The following STAT4 variants were observed in gnomAD, a reference collection of about 807,000 sequenced individuals.
STAT4 encodes signal transducer and activator of transcription 4.
STAT4 carries 42 observed loss-of-function variants against 110.5 expected under a neutral mutation model. That is an observed-to-expected ratio of 0.38 (90% CI 0.30 to 0.49). STAT4 has a LOEUF of 0.49. STAT4 is among the 20% of genes least tolerant of loss of function. STAT4 has a pLI of 0.95. For missense variants in STAT4, 632 were observed against 887.9 expected (o/e 0.71, Z 3.66); for synonymous variants, 284 against 302.2 (o/e 0.94, Z 0.63).
chr2:191,141,508 C>T (rs1307105806), intron 3 of STAT4, among the ~76,000 whole-genome samples: 6 of 140,756 alleles, frequency 4.3e-5, no homozygotes, highest in East Asian at 2.0e-4. Flanking sequence ...CACATATATA[C>T]ATACACATAT....
intron 8 of STAT4, 102 bp downstream of exon 8, chr2:191,064,705 T>G (rs1425771267): frequency 3.6e-6 from 5 of 1,384,002 alleles, no homozygotes; most frequent in Non-Finnish European, 4.9e-6. Context: ...ATAAACTGAA[T>G]GAACTGATGT....
chr2:191,095,080 A>C lies in STAT4; in HGVS notation c.274-18755T>G, dbSNP rs1053493245. 7.9e-5 allele frequency among the ~76,000 whole-genome samples: 12 copies of C among 152,192 alleles called. No homozygotes were observed. The South Asian group carries it at 1.9e-3, about 24-fold the overall frequency. ...TATCCTAAACATATATGCACCCAAT[A>C]TAGGAGCACCCAGATTCATAAAGCA... On this transcript the variant is annotated intron_variant, in intron 3 of 23. Transcript: ENST00000392320.
intron 3 of STAT4, among the ~76,000 whole-genome samples, chr2:191,133,959 G>C (rs1699111479): frequency 6.6e-6 from 1 of 152,208 alleles, no homozygotes; most frequent in Admixed American, 6.5e-5. Context: ...AGACACAAAG[G>C]AACCTTAAAA....
intron 17 of STAT4, 113 bp from the exon 18 acceptor site, chr2:191,034,710 A>T: frequency 1.3e-6 from 1 of 768,898 alleles, no homozygotes. Flanking sequence ...AGCACTTGAT[A>T]TGGGTTTGCA....
Position 191,071,576 on chromosome 2 carries a change from T to G in STAT4, c.465+1522A>C, listed in dbSNP as rs1293139529. On this transcript the variant is annotated intron_variant, in intron 5 of 23. Transcript: ENST00000392320. ...GAAAAGTCAATGCTATGGTAAGTAA[T>G]TAAGGGGCTTCTAGAGTATATTGTC... Among the ~76,000 whole-genome samples, 4 of 152,148 alleles carry G rather than the reference T, an allele frequency of 2.6e-5. No homozygotes were observed. The East Asian group carries it at 7.7e-4, about 29-fold the overall frequency.
chr2:191,141,838 C>T (rs1699344575), intron 3 of STAT4, among the ~76,000 whole-genome samples: 1 of 151,856 alleles, frequency 6.6e-6, no homozygotes, highest in South Asian at 2.1e-4. Context: ...GCCATGATGG[C>T]CAGGCTGGTC....
chr2:191,129,105 T>C (rs999054684), intron 3 of STAT4, among the ~76,000 whole-genome samples: 1 of 152,044 alleles, frequency 6.6e-6, no homozygotes, highest in African/African-American at 2.4e-5. Flanking sequence ...AAATATTTGC[T>C]GACTAAATAA....
intron 14 of STAT4, 88 bp from the exon 15 acceptor site, chr2:191,041,236 ATT>A (rs926542973): frequency 5.0e-5 from 26 of 521,860 alleles, no homozygotes; most frequent in Middle Eastern, 6.9e-4. Context: ...TAATATATTT[ATT>A]AATAAATTAA....
chr2:191,084,773 G>A (rs1357675257), intron 3 of STAT4, among the ~76,000 whole-genome samples: 1 of 151,872 alleles, frequency 6.6e-6, no homozygotes, highest in Non-Finnish European at 1.5e-5. Flanking sequence ...AAAGCATACT[G>A]ACGTAGGGCC....
chr2:191,131,965 A>C, intron 3 of STAT4: 12 of 1,274,522 alleles, frequency 9.4e-6, no homozygotes, highest in Non-Finnish European at 1.2e-5. Context: ...CTAGATTTAC[A>C]ACTATTCCTG....
chr2:191,105,565 C>T (rs960149843), intron 3 of STAT4, among the ~76,000 whole-genome samples: 1 of 152,086 alleles, frequency 6.6e-6, no homozygotes, highest in Non-Finnish European at 1.5e-5. Flanking sequence ...GTATAAAATA[C>T]ATAAAACACA....
rs183202350 is a variant in STAT4 at position 191,035,465 on chromosome 2, C to A, written c.1570+699G>T. On this transcript the variant is annotated intron_variant, in intron 17 of 23. Transcript: ENST00000392320. This position sits in a 1 kb window ranked among gnomAD's most constrained non-coding sequence, Gnocchi z 4.7. ...AAATGGATCTTTGGCCCTAATTTAA[C>A]TAGAAACGCATATAGATCTAATTTT... 1.3e-5 allele frequency among the ~76,000 whole-genome samples: 2 copies of A among 152,330 alleles called. No individual in the cohort carries two copies. The highest frequency in any genetic ancestry group is 2.4e-5 in the African/African-American group (1 of 41,576).
In STAT4 at chr2:191,091,698, T is replaced by C. The variant is rs1697800525; in HGVS notation, c.274-15373A>G. On this transcript the variant is annotated intron_variant, in intron 3 of 23. Coordinates refer to ENST00000392320, the MANE Select transcript of STAT4 (RefSeq NM_003151.4). The surrounding 1 kb of genome is among the most constrained non-coding windows in gnomAD (Gnocchi z 5.4). ...GGAATTTTCTAACTGCTCTGTTTAG[T>C]TTCATTTAATGAACTCTCAAAACTG... Among the ~76,000 whole-genome samples the C allele has an allele frequency of 6.6e-6, 1 of 152,210 alleles. No homozygotes were observed. The highest frequency in any genetic ancestry group is 1.5e-5 in the Non-Finnish European group (1 of 68,048).
intron 3 of STAT4, among the ~76,000 whole-genome samples, chr2:191,127,406 C>A (rs1000062838): frequency 8.5e-5 from 13 of 152,314 alleles, no homozygotes; most frequent in African/African-American, 2.9e-4. Context: ...TTCAGAGAGT[C>A]CTGAACTATG....
intron 14 of STAT4, among the ~76,000 whole-genome samples, chr2:191,049,167 C>CTTTTTTTTT (rs11410725): frequency 1.9e-5 from 2 of 104,150 alleles, no homozygotes; most frequent in Non-Finnish European, 3.9e-5. Context: ...ATGGTAATAG[C>CTTTTTTTTT]TTTTTTTTTT....
chr2:191,066,523 G>C lies in STAT4; in HGVS notation c.545-8C>G. The C allele has an allele frequency of 1.2e-6, 2 of 1,611,838 alleles. No individual in the cohort carries two copies. Among genetic ancestry groups the C allele is most frequent in the South Asian group, 1.1e-5 (1 of 90,962 alleles). On this transcript the variant is annotated splice_polypyrimidine_tract_variant and splice_region_variant and intron_variant, in intron 6 of 23. Coordinates refer to ENST00000392320, the MANE Select transcript of STAT4 (RefSeq NM_003151.4). The surrounding 1 kb of genome is among the most constrained non-coding windows in gnomAD (Gnocchi z 4.3). ...TATTCTTGTCACTCTGATCTGCAAA[G>C]GTAAAGAGATCAGATTTAGAGTTCT... is the stretch of plus-strand genomic sequence containing the variant.
At chr2:191,109,735 T>C (rs935110127) in intron 3 of STAT4, among the ~76,000 whole-genome samples, 1 of 152,216 alleles carries the variant, frequency 6.6e-6, no homozygotes, top group Non-Finnish European at 1.5e-5. Context: ...AATGTTTTCA[T>C]TCTATTATTT....
intron 3 of STAT4, among the ~76,000 whole-genome samples, chr2:191,119,898 T>C (rs1293283734): frequency 1.3e-5 from 2 of 152,144 alleles, no homozygotes; most frequent in Admixed American, 1.3e-4. Flanking sequence ...TGCAGTGCAA[T>C]GAGGAAGGGA....
chr2:191,053,270 C>T lies in STAT4; in HGVS notation c.1251+1220G>A, dbSNP rs942106599. On this transcript the variant is annotated intron_variant, in intron 14 of 23. Transcript: ENST00000392320. The surrounding 1 kb of genome is among the most constrained non-coding windows in gnomAD (Gnocchi z 4.5). ...ACCTCACTGCTTCAAAACTGCATCA[C>T]GTAGGTGGTTTTACACCTGCAGCAC... Among the ~76,000 whole-genome samples the T allele has an allele frequency of 1.3e-5, 2 of 152,190 alleles. No homozygotes were observed. The highest frequency in any genetic ancestry group is 6.5e-5 in the Admixed American group (1 of 15,280).
Sources: allele counts gnomAD v4.1 joint callset (sites outside exome capture counted in the v4.1 genomes callset), GRCh38; gene constraint gnomAD v4.1.1; non-coding constraint Gnocchi (gnomAD v3.1); transcripts MANE v1.5; gene names NCBI Gene and HGNC (gene_info 2026-07-23, HGNC 2026-07-21).